The following GRM8 variants were observed in gnomAD, a reference collection of about 807,000 sequenced individuals.
The protein encoded by GRM8 is metabotropic glutamate receptor 8.
Under a neutral mutation model 87.2 loss-of-function variants are expected in GRM8, and 47 were observed. The observed-to-expected ratio is 0.54, with a 90% CI of 0.43 to 0.69. The LOEUF is 0.69. Ranked by LOEUF, GRM8 falls within the 30% of genes least tolerant of loss-of-function variation. The pLI is 0.00. For missense variants in GRM8, 1,019 were observed against 1,139.2 expected (o/e 0.89, Z 1.52); for synonymous variants, 396 against 404.5 (o/e 0.98, Z 0.25).
chr7:126,561,913 T>C (rs929527155), intron 8 of GRM8, among the ~76,000 whole-genome samples: 1 of 151,772 alleles, frequency 6.6e-6, no homozygotes, highest in African/African-American at 2.4e-5. Flanking sequence ...TCGCTGAGAA[T>C]GAGTTCATGT....
chr7:126,996,826 C>T (rs1261072581), intron 3 of GRM8, among the ~76,000 whole-genome samples: 2 of 151,902 alleles, frequency 1.3e-5, no homozygotes, highest in Non-Finnish European at 2.9e-5. Context: ...GAGAGACAGA[C>T]CTCAGTACAA....
intron 6 of GRM8, among the ~76,000 whole-genome samples, chr7:126,864,056 A>C (rs1280131992): frequency 2.5e-5 from 2 of 79,126 alleles, no homozygotes; most frequent in African/African-American, 5.1e-5. Context: ...TTTTTTGTAG[A>C]GACAAAGTCT....
intron 2 of GRM8, among the ~76,000 whole-genome samples, chr7:127,141,272 A>C (rs967168168): frequency 3.3e-5 from 5 of 151,492 alleles, no homozygotes; most frequent in African/African-American, 1.2e-4. Flanking sequence ...AGGGGTTTCC[A>C]GGTCCAGATC....
At chr7:127,002,138 T>C (rs1813791545) in intron 3 of GRM8, among the ~76,000 whole-genome samples, 1 of 151,574 alleles carries the variant, frequency 6.6e-6, no homozygotes, top group African/African-American at 2.4e-5. Context: ...AGTGTATACA[T>C]TTGTCAAAAC....
At chr7:126,801,531 G>T (rs1822687504) in intron 6 of GRM8, among the ~76,000 whole-genome samples, 1 of 115,750 alleles carries the variant, frequency 8.6e-6, no homozygotes, top group Admixed American at 8.1e-5. Flanking sequence ...TTTGCAGAGG[G>T]CACCAAAATA....
chr7:126,964,669 G>T (rs555704005), intron 3 of GRM8, among the ~76,000 whole-genome samples: 10 of 152,320 alleles, frequency 6.6e-5, no homozygotes, highest in Middle Eastern at 3.4e-3. Context: ...ACAGATGCTG[G>T]AAAAGATGTG....
intron 3 of GRM8, among the ~76,000 whole-genome samples, chr7:127,036,769 G>T (rs1437456412): frequency 6.6e-6 from 1 of 152,108 alleles, no homozygotes; most frequent in African/African-American, 2.4e-5. Context: ...GCCCTGTCTG[G>T]TTTTAGTACT....
chr7:126,723,561 A>C (rs916245487), intron 7 of GRM8, among the ~76,000 whole-genome samples: 162 of 152,284 alleles, frequency 1.1e-3, no homozygotes, highest in African/African-American at 3.7e-3. Context: ...GAACCAAAAA[A>C]AAAAAAAGTT....
At chr7:126,598,737 C>T (rs1010276280) in intron 8 of GRM8, among the ~76,000 whole-genome samples, 1 of 152,106 alleles carries the variant, frequency 6.6e-6, no homozygotes, top group Non-Finnish European at 1.5e-5. Context: ...CTAATCTGCA[C>T]TTTGCTGCCA....
rs762782643 is a variant in GRM8, at chr7:126,533,278, G to A, written c.2104C>T (p.Leu702Phe). 1 of 1,613,718 alleles carries A rather than the reference G, an allele frequency of 6.2e-7. No homozygotes were observed. The highest frequency in any genetic ancestry group is 8.5e-7 in the Non-Finnish European group (1 of 1,179,940). ...ACTCCAAGGAGCTGGACGGAGATGA[G>A]GCTGAAGGTGATCACCAGCTGAGAT... ...PASQLVITFS[L>F]ISVQLLGVFV... The change falls in exon 9 of 11, where the codon CTC (leucine) becomes TTC (phenylalanine). Residue 702 changes from leucine to phenylalanine, a missense_variant. Coordinates refer to ENST00000339582, the MANE Select transcript of GRM8 (RefSeq NM_000845.3).
chr7:126,834,014 G>A (rs988449081), intron 6 of GRM8, among the ~76,000 whole-genome samples: 2 of 152,130 alleles, frequency 1.3e-5, no homozygotes, highest in Admixed American at 6.5e-5. Flanking sequence ...CTTGCAAAGT[G>A]CCTGTGCTGT....
At chr7:126,536,869 C>CAA (rs201365997) in intron 8 of GRM8, among the ~76,000 whole-genome samples, 2 of 150,538 alleles carry the variant, frequency 1.3e-5, no homozygotes, top group African/African-American at 2.4e-5. Flanking sequence ...TGAAAAACAG[C>CAA]AAAAAAAAAT....
At chr7:126,522,605 C>T (rs756140319) in intron 9 of GRM8, among the ~76,000 whole-genome samples, 1 of 152,182 alleles carries the variant, frequency 6.6e-6, no homozygotes, top group Non-Finnish European at 1.5e-5. Flanking sequence ...TCCCAGTTCT[C>T]CTTGTGGCTA....
intron 2 of GRM8, among the ~76,000 whole-genome samples, chr7:127,183,778 C>A (rs936775704): frequency 6.6e-6 from 1 of 151,658 alleles, no homozygotes; most frequent in Admixed American, 6.6e-5. Context: ...AATTTATAAA[C>A]CTCTAGTTAG....
At chr7:127,173,968 T>C (rs1015677561) in intron 2 of GRM8, among the ~76,000 whole-genome samples, 1 of 152,204 alleles carries the variant, frequency 6.6e-6, no homozygotes, top group Non-Finnish European at 1.5e-5. Context: ...TCTTAACCTA[T>C]GAAAACTGAC....
At chr7:126,679,919 T>C (rs933356097) in intron 7 of GRM8, among the ~76,000 whole-genome samples, 4 of 151,910 alleles carry the variant, frequency 2.6e-5, no homozygotes, top group African/African-American at 9.7e-5. Flanking sequence ...TAATCCTAGC[T>C]ACCCAGGAGG....
chr7:127,132,294 G>A (rs542227083), intron 2 of GRM8, among the ~76,000 whole-genome samples: 10 of 152,308 alleles, frequency 6.6e-5, no homozygotes, highest in South Asian at 2.1e-4. Flanking sequence ...TTCCCCTCTC[G>A]CTTGCTGCTA....
intron 2 of GRM8, among the ~76,000 whole-genome samples, chr7:127,218,477 C>T (rs1437105623): frequency 1.3e-5 from 2 of 152,154 alleles, no homozygotes; most frequent in Non-Finnish European, 2.9e-5. Flanking sequence ...AGTTATTTTG[C>T]CTCCTTCAGC....
At chr7:126,962,429 T>C (rs1005001981) in intron 3 of GRM8, among the ~76,000 whole-genome samples, 14 of 152,210 alleles carry the variant, frequency 9.2e-5, no homozygotes, top group African/African-American at 2.7e-4. Context: ...TGAATACAAA[T>C]TTGTTTCCCT....
Sources: gnomAD v4.1 joint callset for allele counts (sites outside exome capture counted in the v4.1 genomes callset) on GRCh38, gnomAD v4.1.1 for gene constraint, MANE v1.5 for transcripts, NCBI Gene and HGNC (gene_info 2026-07-23, HGNC 2026-07-21) for gene names.